The following TFAP2A variants were observed in gnomAD, a reference collection of about 807,000 sequenced individuals.
TFAP2A encodes the protein transcription factor AP-2-alpha.
TFAP2A carries 7 observed loss-of-function variants against 41.5 expected under a neutral mutation model. The observed-to-expected ratio is 0.17, with a 90% CI of 0.10 to 0.32. The LOEUF is 0.32. TFAP2A is among the 10% of genes least tolerant of loss of function. The pLI is 1.00. For missense variants in TFAP2A, 416 were observed against 563.3 expected, an observed-to-expected ratio of 0.74 and a Z score of 2.65; for synonymous variants, 247 against 242.8, an observed-to-expected ratio of 1.02 and a Z score of -0.16.
In TFAP2A at chr6:10,412,515, G is replaced by T. The variant is rs1581273274; in HGVS notation, c.52-2180C>A. 5.5e-5 allele frequency: 7 copies of T among 127,314 alleles called. No individual in the cohort carries two copies. The South Asian group carries it at 1.5e-3, about 28-fold the overall frequency. 7.9% of individuals were successfully genotyped at this position (127,314 alleles called of 1,614,324 possible). A position where few individuals can be genotyped will look rare whatever the true frequency, so the allele number is the denominator to read the frequency against. On this transcript the variant is annotated intron_variant, in intron 1 of 6. Transcript: ENST00000379613. ...GGAGGGAGGGGGAGGGGGCCCAGCC[G>T]GAGCGCACGGAGGGGGAGGCCGCGG...
Position 10,410,159 on chromosome 6 carries a change from G to T in TFAP2A, c.228C>A (p.Ser76=). Residue 76 remains serine, a synonymous_variant, in exon 2 of 7, where the codon TCC becomes TCA. Transcript: ENST00000379613. ...PIYPQSQDPY[S]HVNDPYSLNP... ...TCAGGCTGTAGGGGTCGTTGACGTGGGAGTAAGGATCTTGCGACTGGGGGT... is the reference window on the plus strand; with the variant it reads ...TCAGGCTGTAGGGGTCGTTGACGTGTGAGTAAGGATCTTGCGACTGGGGGT... 1.9e-6 allele frequency: 3 copies of T among 1,608,496 alleles called. No homozygotes were observed. Among genetic ancestry groups the T allele is most frequent in the Non-Finnish European group, 2.5e-6 (3 of 1,178,042 alleles).
Position 10,398,730 on chromosome 6 carries a change from A to T in TFAP2A, c.1032-25T>A, listed in dbSNP as rs966235621. ...TCTGCAGCACAAGTGGAGCAGAGAG[A>T]GAGACATAAGGCTCCACTATGGGCA... On this transcript the variant is annotated intron_variant, in intron 6 of 6. Coordinates refer to ENST00000379613, the MANE Select transcript of TFAP2A (RefSeq NM_001372066.1). This position sits in a 1 kb window ranked among gnomAD's most constrained non-coding sequence, Gnocchi z 5.3. The T allele has an allele frequency of 2.5e-6, 4 of 1,613,244 alleles. No individual in the cohort carries two copies. Among genetic ancestry groups the T allele is most frequent in the Non-Finnish European group, 3.4e-6 (4 of 1,179,610 alleles).
Position 10,404,492 on chromosome 6 carries a change from C to T in TFAP2A, c.770+16G>A. ...CGGCCGCGGGGCGGGGCGGGCGGGG[C>T]CGTGCCGGGCCTCACCTCCGGAGCA... is the stretch of plus-strand genomic sequence containing the variant. On this transcript the variant is annotated intron_variant, in intron 4 of 6. Coordinates refer to ENST00000379613, the MANE Select transcript of TFAP2A (RefSeq NM_001372066.1). The T allele has an allele frequency of 1.3e-6, 2 of 1,543,978 alleles. No individual in the cohort carries two copies. Among genetic ancestry groups the T allele is most frequent in the Non-Finnish European group, 1.7e-6 (2 of 1,145,806 alleles).
At chr6:10,415,108 A>G (rs1397584109), upstream of TFAP2A, 2 of 1,574,546 alleles carry the variant, frequency 1.3e-6, no homozygotes, top group Non-Finnish European at 8.6e-7. Context: ...GAGGAGGGAG[A>G]GGAGGTGGAG....
chr6:10,418,000 G>A (rs572210324), upstream of TFAP2A, among the ~76,000 whole-genome samples: 4 of 152,324 alleles, frequency 2.6e-5, no homozygotes, highest in African/African-American at 9.6e-5. Context: ...CCCAAAGACT[G>A]CTCCGAAAGG....
chr6:10,419,555 G>T, upstream of TFAP2A: 1 of 1,418,588 alleles, frequency 7.0e-7, no homozygotes, highest in Non-Finnish European at 1.0e-6. Flanking sequence ...TTTTTTACCT[G>T]CTCACCAACA....
chr6:10,413,880 A>G (rs1245869814), intron 1 of TFAP2A, among the ~76,000 whole-genome samples: 1 of 139,166 alleles, frequency 7.2e-6, no homozygotes, highest in South Asian at 2.3e-4. Context: ...AAAAAAAAAA[A>G]CAGCAAAAGT....
intron 2 of TFAP2A, chr6:10,407,390 G>A (rs1389418604): frequency 2.0e-5 from 3 of 153,004 alleles, no homozygotes; most frequent in Admixed American, 1.9e-4. Context: ...GCCTAAGCCT[G>A]GGTATGATAG....
chr6:10,400,297 T>C, intron 6 of TFAP2A, 151 bp downstream of exon 6: 1 of 943,296 alleles, frequency 1.1e-6, no homozygotes, highest in Non-Finnish European at 1.6e-6. Flanking sequence ...ATTTCTTCCT[T>C]AACATAGACT....
chr6:10,411,823 C>A, intron 1 of TFAP2A: 1 of 1,427,702 alleles, frequency 7.0e-7, no homozygotes. Context: ...GTCGAACCCA[C>A]GGTCTCTATC....
At position 10,414,922 on chromosome 6, in the gene TFAP2A, G is replaced by C. The variant is rs1051306672; in HGVS notation, c.51+19C>G. 3.1e-6 allele frequency: 5 copies of C among 1,613,754 alleles called. No individual in the cohort carries two copies. The highest frequency in any genetic ancestry group is 1.7e-5 in the Admixed American group (1 of 59,982). On this transcript the variant is annotated intron_variant, in intron 1 of 6. Coordinates refer to ENST00000379613, the MANE Select transcript of TFAP2A (RefSeq NM_001372066.1). The stretch of plus-strand genomic sequence containing the variant: ...GGAGCCTGTGACCGCACGGATGATC[G>C]AGCCGGCGTCGCGCTTACCTCGCAG...
Position 10,397,258 on chromosome 6 carries a change from C to A in TFAP2A, c.*1159G>T, listed in dbSNP as rs80094467. ...GAGAGAGAGAGGAAAATTCCCTAACCCTTGGTTTAAAGACAATATTCATTT... is the reference window on the plus strand; with the variant it reads ...GAGAGAGAGAGGAAAATTCCCTAACACTTGGTTTAAAGACAATATTCATTT... On this transcript the variant is annotated 3_prime_UTR_variant, in exon 7 of 7. Coordinates refer to ENST00000379613, the MANE Select transcript of TFAP2A (RefSeq NM_001372066.1). The A allele has an allele frequency of 6.6e-6, 1 of 151,652 alleles. No homozygotes were observed. Among genetic ancestry groups the A allele is most frequent in the Non-Finnish European group, 1.5e-5 (1 of 67,904 alleles). 9.4% of individuals were successfully genotyped at this position (151,652 alleles called of 1,614,324 possible).
At chr6:10,417,841 C>G (rs115870452), upstream of TFAP2A, among the ~76,000 whole-genome samples, 1,536 of 152,284 alleles carry the variant, frequency 0.01, 23 homozygotes, top group African/African-American at 0.034. Flanking sequence ...GCCCGCGGCT[C>G]CCTCCTTCCT....
intron 3 of TFAP2A, chr6:10,406,423 T>C (rs767802874): frequency 5.4e-5 from 14 of 261,640 alleles, no homozygotes; most frequent in Non-Finnish European, 9.6e-5. Context: ...TAATGTTAAA[T>C]TATTTGTACT....
chr6:10,416,108 T>A (rs1758231797), upstream of TFAP2A: 1 of 152,196 alleles, frequency 6.6e-6, no homozygotes, highest in South Asian at 2.1e-4. Context: ...AACAGACGTG[T>A]GTGTGCCTGC....
Position 10,398,657 on chromosome 6 carries a change from G to C in TFAP2A, c.1080C>G (p.Pro360=), listed in dbSNP as rs375372321. Residue 360 remains proline (P), a synonymous_variant, in exon 7 of 7, where the codon CCC becomes CCG. Coordinates refer to ENST00000379613, the MANE Select transcript of TFAP2A (RefSeq NM_001372066.1). The surrounding 1 kb of genome is among the most constrained non-coding windows in gnomAD (Gnocchi z 5.3). The stretch of plus-strand genomic sequence containing the variant: ...TGGGGTTGGGCCGTGAGTTCCCCAG[G>C]GGAGATCGGTCCTGAGCCAGCAGGT... ...FTDLLAQDRS[P]LGNSRPNPIL... The C allele has an allele frequency of 6.2e-7, 1 of 1,614,184 alleles. No individual in the cohort carries two copies. The highest frequency in any genetic ancestry group is 1.7e-5 in the Admixed American group (1 of 60,030).
rs1758182658 is a variant in TFAP2A at position 10,415,001 on chromosome 6, T to A, written c.-10A>T. 1 of 1,613,920 alleles carries A rather than the reference T, an allele frequency of 6.2e-7. No homozygotes were observed. The highest frequency in any genetic ancestry group is 8.5e-7 in the Non-Finnish European group (1 of 1,180,028). ...TCCAAAGCATTTTCATGGATCGGCG[T>A]GAACGGATATGCCCCTCTCGGTCTC... On this transcript the variant is annotated 5_prime_UTR_variant, in exon 1 of 7. Coordinates refer to ENST00000379613, the MANE Select transcript of TFAP2A (RefSeq NM_001372066.1).
chr6:10,399,014 C>A (rs1761902559), intron 6 of TFAP2A, among the ~76,000 whole-genome samples: 1 of 152,194 alleles, frequency 6.6e-6, no homozygotes, highest in Non-Finnish European at 1.5e-5. Flanking sequence ...CATAGGAAAC[C>A]ATTTCACACA....
intron 1 of TFAP2A, 90 bp from the exon 2 acceptor site, chr6:10,410,425 G>T: frequency 7.3e-7 from 1 of 1,370,058 alleles, no homozygotes; most frequent in Non-Finnish European, 1.0e-6. Context: ...AAGTCTGCGT[G>T]GGAAATCGCC....
Sources: allele counts gnomAD v4.1 joint callset (sites outside exome capture counted in the v4.1 genomes callset), GRCh38; gene constraint gnomAD v4.1.1; non-coding constraint Gnocchi (gnomAD v3.1); transcripts MANE v1.5; gene names NCBI Gene and HGNC (gene_info 2026-07-23, HGNC 2026-07-21).